FUNDC1: variants seen among roughly 807,000 people sequenced by gnomAD.
FUNDC1 encodes the protein FUN14 domain containing 1, also known as FUN14 domain-containing protein 1.
FUNDC1 carries 10 observed loss-of-function variants against 14.5 expected under a neutral mutation model. The observed-to-expected ratio is 0.69, with a 90% CI of 0.43 to 1.17. FUNDC1 has a LOEUF of 1.17. FUNDC1 is among the 50% of genes most tolerant of loss of function. The probability of loss-of-function intolerance (pLI) is 0.00; values close to 1 mark genes in which losing one functional copy is unlikely to be tolerated. For synonymous variants in FUNDC1, 33 were observed against 39.7 expected, an observed-to-expected ratio of 0.83 and a Z score of 0.64; for missense variants, 115 against 113.8, an observed-to-expected ratio of 1.01 and a Z score of -0.05.
At chrX:44,540,028 C>G (rs1428781506) in intron 2 of FUNDC1, among the ~76,000 whole-genome samples, 1 of 111,011 alleles carries the variant, frequency 9.0e-6, no homozygotes, top group African/African-American at 3.3e-5. Flanking sequence ...TTTCCACTCT[C>G]AAGGTCATCA....
intron 3 of FUNDC1, among the ~76,000 whole-genome samples, chrX:44,528,984 C>T (rs1388461647): frequency 8.9e-6 from 1 of 112,095 alleles, no homozygotes; most frequent in African/African-American, 3.2e-5. Flanking sequence ...CATGAGCCAC[C>T]GCGCCCGGCA....
chrX:44,539,789 C>G (rs967584719), intron 2 of FUNDC1, among the ~76,000 whole-genome samples: 1 of 111,181 alleles, frequency 9.0e-6, no homozygotes, highest in Non-Finnish European at 1.9e-5. Flanking sequence ...GCCTCAGCCT[C>G]CTGAATAGCT....
At chrX:44,531,765 AACACACACACACACACACACAC>A (rs143142516) in intron 3 of FUNDC1, among the ~76,000 whole-genome samples, 1 of 87,381 alleles carries the variant, frequency 1.1e-5, no homozygotes, top group Non-Finnish European at 2.2e-5. Flanking sequence ...AGAAGCTTAA[AACACACACACACACACACACAC>A]ACACACACAC....
intron 3 of FUNDC1, among the ~76,000 whole-genome samples, chrX:44,535,931 A>T (rs1360413305): frequency 9.4e-6 from 1 of 106,616 alleles, no homozygotes; most frequent in African/African-American, 3.4e-5. Context: ...GGTTGCAGTG[A>T]GCCGAGATTG....
intron 3 of FUNDC1, among the ~76,000 whole-genome samples, chrX:44,531,765 A>AAC (rs143142516): frequency 0.013 from 1,173 of 87,360 alleles, 6 homozygotes; most frequent in Non-Finnish European, 0.017. Flanking sequence ...AGAAGCTTAA[A>AAC]ACACACACAC....
chrX:44,527,102 A>C (rs2038905469), intron 4 of FUNDC1, 135 bp downstream of exon 4: 2 of 387,801 alleles, frequency 5.2e-6, no homozygotes, highest in Admixed American at 1.1e-4. Flanking sequence ...TTTACTTAAC[A>C]CTCTAGATAT....
intron 3 of FUNDC1, among the ~76,000 whole-genome samples, chrX:44,530,884 C>T (rs765629429): frequency 9.1e-6 from 1 of 110,208 alleles, no homozygotes; most frequent in Non-Finnish European, 1.9e-5. Flanking sequence ...GCTGAGATCT[C>T]GCCACTGCAT....
At chrX:44,542,405 T>G (rs933599608) in intron 1 of FUNDC1, 9 of 363,631 alleles carry the variant, frequency 2.5e-5, no homozygotes, top group African/African-American at 1.9e-4. Context: ...CAAACCTTAG[T>G]AGGGTCAAGG....
At chrX:44,538,013 C>T (rs1416001267) in intron 3 of FUNDC1, among the ~76,000 whole-genome samples, 1 of 112,518 alleles carries the variant, frequency 8.9e-6, no homozygotes, top group Non-Finnish European at 1.9e-5. Flanking sequence ...CAGAGTTTTG[C>T]TCTTGTTGCC....
chrX:44,528,459 AC>A (rs745629534), intron 3 of FUNDC1, among the ~76,000 whole-genome samples: 17 of 112,230 alleles, frequency 1.5e-4, no homozygotes, highest in Non-Finnish European at 3.2e-4. Flanking sequence ...AGTACTTGAT[AC>A]AGCAATTTGA....
chrX:44,524,724 G>A (rs1001062730), intron 4 of FUNDC1, among the ~76,000 whole-genome samples: 1 of 111,373 alleles, frequency 9.0e-6, no homozygotes, highest in Non-Finnish European at 1.9e-5. Flanking sequence ...ACCTACTACT[G>A]CAGGTATCAA....
intron 3 of FUNDC1, among the ~76,000 whole-genome samples, chrX:44,537,033 T>C (rs1370247124): frequency 1.8e-5 from 2 of 112,321 alleles, no homozygotes; most frequent in Non-Finnish European, 3.8e-5. Context: ...CATTTGTTAC[T>C]TTATTTCCCC....
chrX:44,531,765 AACACACACACACACACAC>A (rs143142516), intron 3 of FUNDC1, among the ~76,000 whole-genome samples: 1 of 87,379 alleles, frequency 1.1e-5, no homozygotes, highest in Admixed American at 1.3e-4. Context: ...AGAAGCTTAA[AACACACACACACACACAC>A]ACACACACAC....
chrX:44,532,669 C>T (rs1333126403), intron 3 of FUNDC1, among the ~76,000 whole-genome samples: 2 of 108,660 alleles, frequency 1.8e-5, no homozygotes, highest in East Asian at 5.8e-4. Flanking sequence ...CCTCCTGCCT[C>T]AGCCTCCCGA....
rs41312153 is a variant in FUNDC1 at position 44,538,732 on chromosome X, T to C, written c.186-190A>G. Among the ~76,000 whole-genome samples, 1,033 of 111,435 alleles carry C rather than the reference T, an allele frequency of 9.3e-3. 7 individuals are homozygous for C. Among genetic ancestry groups the C allele is most frequent in the Middle Eastern group, 0.019 (4 of 216 alleles). ...CTAGTCAAAAATGCACAATCTAAAA[T>C]GTCTGAAATTTGCTTCAAAATAAGG... On this transcript the variant is annotated intron_variant, in intron 2 of 4. Coordinates refer to ENST00000378045, the MANE Select transcript of FUNDC1 (RefSeq NM_173794.4).
chrX:44,535,358 C>T (rs2038943069), intron 3 of FUNDC1, among the ~76,000 whole-genome samples: 1 of 109,874 alleles, frequency 9.1e-6, no homozygotes, highest in East Asian at 2.9e-4. Context: ...ATTTACACAA[C>T]TAGTAGTTGT....
At chrX:44,530,970 G>A (rs1031408069) in intron 3 of FUNDC1, among the ~76,000 whole-genome samples, 3 of 109,785 alleles carry the variant, frequency 2.7e-5, no homozygotes, top group South Asian at 3.9e-4. Flanking sequence ...GGCCAGGCTC[G>A]GTTGCTCACG....
In FUNDC1 at chrX:44,542,003, G is replaced by T; in HGVS notation, c.127C>A (p.Pro43Thr). Residue 43 changes from proline to threonine, a missense_variant, in exon 2 of 5, where the codon CCT (proline) becomes ACT (threonine). Pro to Thr is a conservative substitution (Grantham distance 38). Coordinates refer to ENST00000378045, the MANE Select transcript of FUNDC1 (RefSeq NM_173794.4). ...GCTACTGAGTATTTTTCTACCATAGGTCCCGAACTGTGGCCAAACACTCGA... is the reference window on the plus strand; with the variant it reads ...GCTACTGAGTATTTTTCTACCATAGTTCCCGAACTGTGGCCAAACACTCGA... ...WNRVFGHSSGPMVEKYSVATQ... is the reference protein window; with the variant it reads ...WNRVFGHSSGTMVEKYSVATQ... 8.3e-7 allele frequency: 1 copy of T among 1,205,401 alleles called. No individual in the cohort carries two copies. Among genetic ancestry groups the T allele is most frequent in the Non-Finnish European group, 1.1e-6 (1 of 891,229 alleles).
chrX:44,542,483 G>C (rs2038976276), intron 1 of FUNDC1, among the ~76,000 whole-genome samples: 1 of 110,736 alleles, frequency 9.0e-6, no homozygotes, highest in South Asian at 3.8e-4. Flanking sequence ...GAGAGAACTA[G>C]TCTGGAGCTC....
Sources: gnomAD v4.1 joint callset for allele counts (sites outside exome capture counted in the v4.1 genomes callset) on GRCh38, gnomAD v4.1.1 for gene constraint, MANE v1.5 for transcripts, NCBI Gene and HGNC (gene_info 2026-07-23, HGNC 2026-07-21) for gene names.